Variants in APBA1 observed in about 807,000 individuals in gnomAD.
APBA1 encodes amyloid-beta A4 precursor protein-binding family A member 1.
A neutral mutation model predicts 86.6 loss-of-function variants in APBA1; 55 were observed. That is an observed-to-expected ratio of 0.64 (90% CI 0.51 to 0.80). The LOEUF is 0.80. APBA1 is among the 30% of genes least tolerant of loss of function. The probability of loss-of-function intolerance (pLI) is 0.00; values close to 1 mark genes in which losing one functional copy is unlikely to be tolerated. For synonymous variants in APBA1, 511 were observed against 493.9 expected (o/e 1.03, Z -0.46); for missense variants, 1,090 against 1,183.0 (o/e 0.92, Z 1.15).
In APBA1 at chr9:69,540,557, A is replaced by G. The variant is rs142205646; in HGVS notation, c.-69-23278T>C. ...GTCCCCTCCCCTGCAACCCCTGACA[A>G]CCACTACCTACTCTCTGCTTAGGTA... On this transcript the variant is annotated intron_variant, in intron 1 of 12. Transcript: ENST00000265381. Among the ~76,000 whole-genome samples the G allele has an allele frequency of 1.8e-4, 27 of 152,168 alleles. No homozygotes were observed. The East Asian group carries it at 5.0e-3, about 28-fold the overall frequency.
intron 1 of APBA1, among the ~76,000 whole-genome samples, chr9:69,569,452 T>TGA (rs1837081112): frequency 2.9e-4 from 1 of 3,466 alleles, no homozygotes; most frequent in African/African-American, 5.0e-4. Flanking sequence ...CGTGTGAGTG[T>TGA]GTGTGTGTGT....
intron 1 of APBA1, among the ~76,000 whole-genome samples, chr9:69,600,501 G>A (rs928942860): frequency 2.0e-5 from 3 of 152,066 alleles, no homozygotes; most frequent in Admixed American, 6.6e-5. Flanking sequence ...GAGTCTCTTC[G>A]TTTTTAAAAT....
At chr9:69,643,393 T>A (rs1047536312) in intron 1 of APBA1, among the ~76,000 whole-genome samples, 4 of 152,140 alleles carry the variant, frequency 2.6e-5, no homozygotes, top group Non-Finnish European at 4.4e-5. Flanking sequence ...TAGGCTTAAG[T>A]ATATGTGAAT....
At position 69,434,919 on chromosome 9, in the gene APBA1, A is replaced by G. The variant is rs572294676; in HGVS notation, c.2302-2243T>C. Among the ~76,000 whole-genome samples, 475 of 147,536 alleles carry G rather than the reference A, an allele frequency of 3.2e-3. 4 individuals are homozygous for G. Among genetic ancestry groups the G allele is most frequent in the African/African-American group, 0.011 (439 of 40,380 alleles). On this transcript the variant is annotated intron_variant, in intron 11 of 12. Transcript: ENST00000265381. ...ATTAACTCGTCATTTAGCATTAGGT[A>G]TATCTCCTAATGCTATCCCTCCCCC...
intron 1 of APBA1, among the ~76,000 whole-genome samples, chr9:69,548,854 C>T (rs1459408684): frequency 1.3e-5 from 2 of 152,222 alleles, no homozygotes; most frequent in Admixed American, 1.3e-4. Context: ...TTGAGGCAAA[C>T]AAGTTCATTT....
intron 1 of APBA1, among the ~76,000 whole-genome samples, chr9:69,591,701 C>T (rs112117012): frequency 8.5e-4 from 129 of 152,272 alleles, no homozygotes; most frequent in South Asian, 5.4e-3. Flanking sequence ...TTTAAAACAC[C>T]GCAACTGTTC....
At chr9:69,661,756 T>C (rs1454720089) in intron 1 of APBA1, among the ~76,000 whole-genome samples, 1 of 152,146 alleles carries the variant, frequency 6.6e-6, no homozygotes, top group Non-Finnish European at 1.5e-5. Flanking sequence ...AATAGTTTCC[T>C]AGACAGTGGA....
chr9:69,459,742 G>C (rs1835158967), intron 5 of APBA1, among the ~76,000 whole-genome samples: 1 of 152,176 alleles, frequency 6.6e-6, no homozygotes, highest in Non-Finnish European at 1.5e-5. Flanking sequence ...GAACATCTCT[G>C]TGCCTCAGTT....
intron 5 of APBA1, among the ~76,000 whole-genome samples, chr9:69,466,237 G>GAC (rs1175322608): frequency 6.6e-6 from 1 of 152,174 alleles, no homozygotes; most frequent in African/African-American, 2.4e-5. Flanking sequence ...CCATGAGAGG[G>GAC]ACGTGGGGCC....
chr9:69,651,053 T>A (rs1823488218), intron 1 of APBA1, among the ~76,000 whole-genome samples: 1 of 152,248 alleles, frequency 6.6e-6, no homozygotes, highest in Admixed American at 6.5e-5. Flanking sequence ...AATTGTTGTA[T>A]GTTTATACAA....
chr9:69,537,114 T>C (rs1288892724), intron 1 of APBA1, among the ~76,000 whole-genome samples: 1 of 151,196 alleles, frequency 6.6e-6, no homozygotes. Flanking sequence ...TTTCCCCCCA[T>C]CTCCAAAGAA....
intron 8 of APBA1, among the ~76,000 whole-genome samples, chr9:69,452,997 C>T (rs1835037367): frequency 1.3e-5 from 2 of 152,198 alleles, no homozygotes; most frequent in African/African-American, 4.8e-5. Flanking sequence ...TATGATATCC[C>T]ACTGCACACT....
chr9:69,626,761 T>C (rs1171181835), intron 1 of APBA1, among the ~76,000 whole-genome samples: 1 of 152,138 alleles, frequency 6.6e-6, no homozygotes, highest in Non-Finnish European at 1.5e-5. Flanking sequence ...ACTATTATGA[T>C]TTTATGTTCA....
chr9:69,521,679 A>G lies in APBA1; in HGVS notation c.-69-4400T>C, dbSNP rs537049707. On this transcript the variant is annotated intron_variant, in intron 1 of 12. Transcript: ENST00000265381. ...TGACTGAGGAGAGGACATTATGTAGATATTATTCAAAGAATGAGATATTTG... is the reference window on the plus strand; with the variant it reads ...TGACTGAGGAGAGGACATTATGTAGGTATTATTCAAAGAATGAGATATTTG... Among the ~76,000 whole-genome samples, 3 of 152,350 alleles carry G rather than the reference A, an allele frequency of 2.0e-5. No individual in the cohort carries two copies. The South Asian group carries it at 6.2e-4, about 32-fold the overall frequency.
chr9:69,575,614 C>T (rs1286643193), intron 1 of APBA1, among the ~76,000 whole-genome samples: 3 of 152,042 alleles, frequency 2.0e-5, no homozygotes, highest in Non-Finnish European at 4.4e-5. Context: ...GGAAAGAATT[C>T]CCTATTTAAT....
intron 1 of APBA1, among the ~76,000 whole-genome samples, chr9:69,569,129 T>A (rs1837075669): frequency 6.6e-6 from 1 of 152,192 alleles, no homozygotes; most frequent in South Asian, 2.1e-4. Context: ...TGACCTCCTG[T>A]GGTGCTTCTT....
intron 2 of APBA1, among the ~76,000 whole-genome samples, chr9:69,491,514 T>A (rs1402577085): frequency 1.3e-5 from 2 of 151,624 alleles, no homozygotes; most frequent in African/African-American, 4.9e-5. Flanking sequence ...AATGATGAGT[T>A]AATGGGTGCA....
intron 2 of APBA1, among the ~76,000 whole-genome samples, chr9:69,482,228 C>T (rs1056901430): frequency 1.3e-5 from 2 of 151,804 alleles, no homozygotes; most frequent in African/African-American, 4.8e-5. Context: ...ACTCATCTGA[C>T]AAAGGGCTAA....
At chr9:69,646,029 CT>C (rs1486054698) in intron 1 of APBA1, among the ~76,000 whole-genome samples, 2 of 152,210 alleles carry the variant, frequency 1.3e-5, no homozygotes, top group African/African-American at 2.4e-5. Context: ...ACTCACCAAT[CT>C]TAACACCAGT....
Sources: gnomAD v4.1 joint callset for allele counts (sites outside exome capture counted in the v4.1 genomes callset) on GRCh38, gnomAD v4.1.1 for gene constraint, MANE v1.5 for transcripts, NCBI Gene and HGNC (gene_info 2026-07-23, HGNC 2026-07-21) for gene names.